The following BNC2 variants were observed in gnomAD, a reference collection of about 807,000 sequenced individuals.
BNC2 encodes the protein basonuclin zinc finger protein 2.
In BNC2, 20 loss-of-function variants were observed where a neutral mutation model predicts 76.3. The ratio of observed to expected loss-of-function variants is 0.26; its 90% confidence interval spans 0.18 to 0.38. The LOEUF (loss-of-function observed/expected upper bound fraction) is 0.38, where lower values mean the gene tolerates loss of function less well. Ranked by LOEUF, BNC2 falls within the 10% of genes least tolerant of loss-of-function variation. BNC2 has a pLI of 1.00. For missense variants in BNC2, 1,382 were observed against 1,399.8 expected, an observed-to-expected ratio of 0.99 and a Z score of 0.20; for synonymous variants, 582 against 514.8, an observed-to-expected ratio of 1.13 and a Z score of -1.77.
At chr9:16,797,267 T>C (rs1259165141) in intron 1 of BNC2, among the ~76,000 whole-genome samples, 2 of 152,180 alleles carry the variant, frequency 1.3e-5, no homozygotes, top group Non-Finnish European at 2.9e-5. Context: ...TTGGCTCTAA[T>C]AAGCTGGAAA....
At chr9:16,705,307 T>C (rs945050514) in intron 3 of BNC2, among the ~76,000 whole-genome samples, 9 of 152,198 alleles carry the variant, frequency 5.9e-5, no homozygotes, top group Admixed American at 2.0e-4. Context: ...CATTAAACCC[T>C]GCCAAGGAAC....
intron 4 of BNC2, among the ~76,000 whole-genome samples, chr9:16,576,232 A>G (rs1346629449): frequency 1.3e-5 from 2 of 152,200 alleles, no homozygotes; most frequent in Non-Finnish European, 2.9e-5. Context: ...TGGGAACATT[A>G]TCTCCCTTTG....
intron 3 of BNC2, among the ~76,000 whole-genome samples, chr9:16,613,106 G>A (rs1820597286): frequency 6.6e-6 from 1 of 152,126 alleles, no homozygotes; most frequent in South Asian, 2.1e-4. Flanking sequence ...AAGGTAGTCT[G>A]AAAAATCAAC....
At chr9:16,626,678 AACACACAC>A (rs113705597) in intron 3 of BNC2, among the ~76,000 whole-genome samples, 1 of 149,872 alleles carries the variant, frequency 6.7e-6, no homozygotes, top group Admixed American at 6.7e-5. Flanking sequence ...GTAAAAGGCA[AACACACAC>A]ACACACACAC....
chr9:16,848,765 C>T (rs1819052635), intron 1 of BNC2, among the ~76,000 whole-genome samples: 1 of 152,054 alleles, frequency 6.6e-6, no homozygotes, highest in Non-Finnish European at 1.5e-5. Context: ...ATCCTAAATC[C>T]AAAAATCATA....
chr9:16,423,558 G>C (rs377573823), intron 6 of BNC2, among the ~76,000 whole-genome samples: 2 of 152,166 alleles, frequency 1.3e-5, no homozygotes, highest in African/African-American at 4.8e-5. Flanking sequence ...ACTTTGCACA[G>C]AGGAGGTACT....
chr9:16,763,948 T>C (rs545731851), intron 1 of BNC2, among the ~76,000 whole-genome samples: 155 of 152,286 alleles, frequency 1.0e-3, no homozygotes, highest in Middle Eastern at 3.4e-3. Context: ...CGGAAGACTA[T>C]AGCAAGTGGG....
At chr9:16,752,804 A>G (rs7470506) in intron 1 of BNC2, among the ~76,000 whole-genome samples, 123,525 of 152,202 alleles carry the variant, frequency 0.81, 51,744 homozygotes, top group Non-Finnish European at 0.91. Flanking sequence ...GTGAGCTGGC[A>G]CAGCCAATGC....
Position 16,727,938 on chromosome 9 carries a change from C to G in BNC2, c.189G>C (p.Lys63Asn), listed in dbSNP as rs780263163. The G allele has an allele frequency of 1.2e-6, 2 of 1,614,132 alleles. No homozygotes were observed. The highest frequency in any genetic ancestry group is 2.2e-5 in the East Asian group (1 of 44,854). ...ERETQRDREP[K>N]RARDLTLRDS... is the part of the protein sequence containing the mutation. ...CTCTTAAAGTCAAGTCTCTTGCCCT[C>G]TTTGGCTCTCTGTCTCTCTGTGTCT... Residue 63 changes from lysine (K) to asparagine (N), a missense_variant, in exon 3 of 7, where the codon AAG (lysine) becomes AAC (asparagine). Lys to Asn is a moderately conservative substitution (Grantham distance 94). Around this residue, in one of 3 missense-constraint regions of BNC2, gnomAD observed 557 missense variants for 540.9 expected, o/e 1.03. Coordinates refer to ENST00000380672, the MANE Select transcript of BNC2 (RefSeq NM_017637.6).
chr9:16,486,072 C>G (rs949814065), intron 5 of BNC2, among the ~76,000 whole-genome samples: 2 of 152,172 alleles, frequency 1.3e-5, no homozygotes, highest in African/African-American at 4.8e-5. Flanking sequence ...CAAGATTTCC[C>G]CAAGGCTCCA....
At chr9:16,544,569 G>C (rs1296427596) in intron 5 of BNC2, among the ~76,000 whole-genome samples, 1 of 152,082 alleles carries the variant, frequency 6.6e-6, no homozygotes, top group Non-Finnish European at 1.5e-5. Flanking sequence ...TGTAATCCCA[G>C]CATTTTGGGA....
At chr9:16,813,598 A>G (rs1247468689) in intron 1 of BNC2, among the ~76,000 whole-genome samples, 1 of 152,160 alleles carries the variant, frequency 6.6e-6, no homozygotes, top group African/African-American at 2.4e-5. Flanking sequence ...TTAAAAATCT[A>G]TCCTGAACCT....
chr9:16,735,993 G>T (rs1408825501), intron 2 of BNC2, among the ~76,000 whole-genome samples: 1 of 151,606 alleles, frequency 6.6e-6, no homozygotes, highest in Non-Finnish European at 1.5e-5. Flanking sequence ...CAGCACTTTG[G>T]GAGGCCAAGG....
Position 16,502,262 on chromosome 9 carries a change from G to C in BNC2, c.669+50268C>G, listed in dbSNP as rs146149177. 2.2e-3 allele frequency among the ~76,000 whole-genome samples: 340 copies of C among 152,230 alleles called. 3 individuals carry two copies. The highest frequency in any genetic ancestry group is 7.4e-3 in the African/African-American group (308 of 41,534). On this transcript the variant is annotated intron_variant, in intron 5 of 6. Coordinates refer to ENST00000380672, the MANE Select transcript of BNC2 (RefSeq NM_017637.6). Reference sequence around the variant, plus strand: ...ATCTGTAGTGCTAGCTACTTGGAAGGATCACTTGAATTCAGTTCAAGGTCA... The same window carrying C: ...ATCTGTAGTGCTAGCTACTTGGAAGCATCACTTGAATTCAGTTCAAGGTCA...
At chr9:16,555,916 C>G (rs1250922459) in intron 4 of BNC2, among the ~76,000 whole-genome samples, 2 of 152,228 alleles carry the variant, frequency 1.3e-5, no homozygotes, top group Admixed American at 1.3e-4. Context: ...TATGCATTCT[C>G]TTTCACACCT....
intron 5 of BNC2, among the ~76,000 whole-genome samples, chr9:16,459,341 A>G (rs1278238025): frequency 6.6e-6 from 1 of 152,178 alleles, no homozygotes; most frequent in East Asian, 1.9e-4. Flanking sequence ...GCATTCAGGG[A>G]GTTTCCAGGC....
intron 3 of BNC2, among the ~76,000 whole-genome samples, chr9:16,638,964 A>G (rs1821408282): frequency 1.3e-5 from 2 of 152,150 alleles, no homozygotes; most frequent in Admixed American, 6.5e-5. Flanking sequence ...TAGCATAGCA[A>G]TGTAATGTAA....
chr9:16,678,419 C>A (rs532204652), intron 3 of BNC2, among the ~76,000 whole-genome samples: 46 of 151,586 alleles, frequency 3.0e-4, no homozygotes, highest in African/African-American at 1.1e-3. Context: ...AGGCACACGC[C>A]ACCATGCCCA....
chr9:16,462,266 G>A (rs1352462367), intron 5 of BNC2, among the ~76,000 whole-genome samples: 2 of 152,080 alleles, frequency 1.3e-5, no homozygotes, highest in African/African-American at 2.4e-5. Flanking sequence ...ATGACATGCC[G>A]ACATCAATTC....
Sources: gnomAD v4.1 joint callset for allele counts (sites outside exome capture counted in the v4.1 genomes callset) on GRCh38, gnomAD v4.1.1 for gene constraint, gnomAD v4.1.1 regional missense constraint, MANE v1.5 for transcripts, NCBI Gene and HGNC (gene_info 2026-07-23, HGNC 2026-07-21) for gene names.